Variants in KCNN2 observed in about 807,000 individuals in gnomAD.
KCNN2 encodes the protein potassium calcium-activated channel subfamily N member 2.
In KCNN2, 24 loss-of-function variants were observed where a neutral mutation model predicts 55.5. That is an observed-to-expected ratio of 0.43 (90% CI 0.31 to 0.61). The LOEUF is 0.61. Among genes scored for constraint, KCNN2 ranks in the 20% least tolerant of loss-of-function variants. The probability of loss-of-function intolerance (pLI) is 0.08; values close to 1 mark genes in which losing one functional copy is unlikely to be tolerated. For synonymous variants in KCNN2, 431 were observed against 336.1 expected (o/e 1.28, Z -3.09); for missense variants, 754 against 853.6 (o/e 0.88, Z 1.45).
intron 2 of KCNN2, among the ~76,000 whole-genome samples, chr5:114,332,002 A>G (rs1360175951): frequency 6.6e-6 from 1 of 152,222 alleles, no homozygotes; most frequent in African/African-American, 2.4e-5. Flanking sequence ...TCTATAATAC[A>G]AAAGATAAAA....
intron 2 of KCNN2, among the ~76,000 whole-genome samples, chr5:114,272,341 TATATGTATGTACATACCATATACACACAC>T (rs70976331): frequency 0.039 from 2,950 of 75,246 alleles, 141 homozygotes; most frequent in Non-Finnish European, 0.042. Context: ...TATACACACA[TATATGTATGTACATACCATATACACACAC>T]ATATGTATGT....
intron 2 of KCNN2, among the ~76,000 whole-genome samples, chr5:114,396,363 A>G (rs948315471): frequency 6.6e-6 from 1 of 152,206 alleles, no homozygotes; most frequent in South Asian, 2.1e-4. Context: ...TTTCTGTGCC[A>G]TACAGCATTT....
chr5:114,325,556 G>A (rs1284936126), intron 2 of KCNN2, among the ~76,000 whole-genome samples: 2 of 152,242 alleles, frequency 1.3e-5, no homozygotes, highest in East Asian at 3.9e-4. Flanking sequence ...ATTAAACCAG[G>A]AGTGTTTAGG....
At chr5:114,381,281 A>C (rs1406458794) in intron 2 of KCNN2, among the ~76,000 whole-genome samples, 2 of 152,162 alleles carry the variant, frequency 1.3e-5, no homozygotes, top group African/African-American at 4.8e-5. Flanking sequence ...TAGATAATGA[A>C]ATGGCTGGCA....
intron 1 of KCNN2, among the ~76,000 whole-genome samples, chr5:114,059,102 TGAG>T (rs1405669658): frequency 1.3e-5 from 2 of 151,988 alleles, no homozygotes; most frequent in Admixed American, 1.3e-4. Context: ...GGCATAGACT[TGAG>T]GAGAAGTGGA....
At position 114,496,434 on chromosome 5, in the gene KCNN2, G is replaced by T; in HGVS notation, c.*252G>T. The T allele has an allele frequency of 4.9e-6, 2 of 405,282 alleles. No homozygotes were observed. The highest frequency in any genetic ancestry group is 8.7e-6 in the Non-Finnish European group (2 of 229,380). 25.1% of individuals were successfully genotyped at this position (405,282 alleles called of 1,614,324 possible). ...GTAATTTCACTAACTTTTTATTCAT[G>T]CACTTCAAACAAACTTTACTACTAC... On this transcript the variant is annotated 3_prime_UTR_variant, in exon 8 of 8. Coordinates refer to ENST00000673685, the MANE Select transcript of KCNN2 (RefSeq NM_021614.4).
intron 3 of KCNN2, among the ~76,000 whole-genome samples, chr5:114,450,625 G>A (rs1760630609): frequency 6.6e-6 from 1 of 152,178 alleles, no homozygotes; most frequent in Non-Finnish European, 1.5e-5. Context: ...CTTTCCAGAT[G>A]TGTTGATATG....
chr5:114,378,150 A>G (rs145351652), intron 2 of KCNN2, among the ~76,000 whole-genome samples: 1 of 152,284 alleles, frequency 6.6e-6, no homozygotes, highest in African/African-American at 2.4e-5. Context: ...CGCCCCCTGA[A>G]CAAATCTGGC....
chr5:114,385,596 C>G (rs1758257194), intron 2 of KCNN2, among the ~76,000 whole-genome samples: 1 of 151,002 alleles, frequency 6.6e-6, no homozygotes, highest in South Asian at 2.1e-4. Flanking sequence ...GAGCTAGAGC[C>G]AAAACTATGC....
chr5:114,469,827 T>C (rs1761637562), intron 4 of KCNN2, among the ~76,000 whole-genome samples: 1 of 152,088 alleles, frequency 6.6e-6, no homozygotes, highest in Non-Finnish European at 1.5e-5. Flanking sequence ...AATTAAAAAA[T>C]AAAGGTTACT....
intron 1 of KCNN2, among the ~76,000 whole-genome samples, chr5:114,113,558 G>C (rs1319640809): frequency 6.6e-6 from 1 of 152,054 alleles, no homozygotes; most frequent in Non-Finnish European, 1.5e-5. Flanking sequence ...TCTTAACACA[G>C]GGGCCTTCCT....
At chr5:114,473,655 T>C (rs1489360631) in intron 5 of KCNN2, among the ~76,000 whole-genome samples, 1 of 152,088 alleles carries the variant, frequency 6.6e-6, no homozygotes, top group Non-Finnish European at 1.5e-5. Flanking sequence ...ATAAAAGAGA[T>C]GTTAAAAATA....
At chr5:114,272,631 A>G (rs543078010) in intron 2 of KCNN2, among the ~76,000 whole-genome samples, 5 of 152,234 alleles carry the variant, frequency 3.3e-5, no homozygotes, top group African/African-American at 1.2e-4. Flanking sequence ...TCAATAAGTA[A>G]ATATTTACTT....
chr5:114,406,148 A>T (rs1200225243), intron 3 of KCNN2, among the ~76,000 whole-genome samples: 1 of 150,522 alleles, frequency 6.6e-6, no homozygotes, highest in Non-Finnish European at 1.5e-5. Context: ...CCCCCAGCCC[A>T]TTCCAGCTTT....
At chr5:114,335,614 G>A (rs1430319843) in intron 2 of KCNN2, among the ~76,000 whole-genome samples, 1 of 152,126 alleles carries the variant, frequency 6.6e-6, no homozygotes, top group Non-Finnish European at 1.5e-5. Context: ...TAAAAATACA[G>A]ACCTACTACT....
chr5:114,159,380 G>T (rs537960760), intron 1 of KCNN2, among the ~76,000 whole-genome samples: 145 of 152,192 alleles, frequency 9.5e-4, no homozygotes, highest in African/African-American at 3.3e-3. Flanking sequence ...ATAAGCTTTT[G>T]GATGTGTTGC....
chr5:114,409,386 A>G (rs1759051223), intron 3 of KCNN2, among the ~76,000 whole-genome samples: 1 of 152,184 alleles, frequency 6.6e-6, no homozygotes, highest in African/African-American at 2.4e-5. Context: ...TGTCACCAGT[A>G]TCTTACGCTT....
chr5:114,345,527 T>C (rs10477513), intron 2 of KCNN2, among the ~76,000 whole-genome samples: 11,654 of 152,158 alleles, frequency 0.077, 579 homozygotes, highest in African/African-American at 0.15. Flanking sequence ...CGAAATCAAA[T>C]AGCAGTGAAA....
At chr5:114,486,873 G>T (rs900962387) in intron 5 of KCNN2, 177 bp from the exon 6 acceptor site, 42 of 1,132,212 alleles carry the variant, frequency 3.7e-5, no homozygotes, top group Non-Finnish European at 5.0e-5. Flanking sequence ...TTGTTCCCAG[G>T]CAGGTACAAG....
Sources: gnomAD v4.1 joint callset for allele counts (sites outside exome capture counted in the v4.1 genomes callset) on GRCh38, gnomAD v4.1.1 for gene constraint, MANE v1.5 for transcripts, NCBI Gene and HGNC (gene_info 2026-07-23, HGNC 2026-07-21) for gene names.